LRIG3: variants seen among roughly 807,000 people sequenced by gnomAD.
The protein encoded by LRIG3 is leucine rich repeats and immunoglobulin like domains 3.
Under a neutral mutation model 114.5 loss-of-function variants are expected in LRIG3, and 76 were observed. The observed-to-expected ratio is 0.66, with a 90% CI of 0.55 to 0.80. LRIG3 has a LOEUF of 0.80. Ranked by LOEUF, LRIG3 falls within the 30% of genes least tolerant of loss-of-function variation. The pLI, the probability that LRIG3 is intolerant of heterozygous loss-of-function variation, is 0.00. For synonymous variants in LRIG3, 512 were observed against 519.8 expected, an observed-to-expected ratio of 0.98 and a Z score of 0.20; for missense variants, 1,239 against 1,382.8, an observed-to-expected ratio of 0.90 and a Z score of 1.65.
rs142306271 is a variant in LRIG3 at position 58,880,724 on chromosome 12, C to T, written c.1658G>A (p.Arg553Gln). 7.4e-6 allele frequency: 12 copies of T among 1,614,132 alleles called. No individual in the cohort carries two copies. The highest frequency in any genetic ancestry group is 6.7e-5 in the Admixed American group (4 of 60,034). ...CTCCATCACCTCGCCACCTTGGGCC[C>T]GGAGGTGTGCATAATTTTCCATTTC... ...DAEMENYAHL[R>Q]AQGGEVMEYT... The change falls in exon 13 of 19, where the codon CGG (arginine) becomes CAG (glutamine). Residue 553 changes from arginine (R) to glutamine (Q), a missense_variant. By Grantham distance (43) the Arg-to-Gln change is conservative (BLOSUM62 1). Transcript: ENST00000320743.
intron 3 of LRIG3, among the ~76,000 whole-genome samples, chr12:58,893,356 T>C (rs1224816515): frequency 6.6e-6 from 1 of 152,222 alleles, no homozygotes; most frequent in Non-Finnish European, 1.5e-5. Flanking sequence ...CTAGCATAGA[T>C]AATGTATATC....
At chr12:58,900,782 C>T (rs1332921367) in intron 3 of LRIG3, among the ~76,000 whole-genome samples, 3 of 152,156 alleles carry the variant, frequency 2.0e-5, no homozygotes, top group African/African-American at 7.2e-5. Context: ...GGTACACAGA[C>T]CAACGGACCA....
intron 3 of LRIG3, among the ~76,000 whole-genome samples, chr12:58,905,580 T>G (rs565623279): frequency 6.6e-6 from 1 of 152,224 alleles, no homozygotes; most frequent in Non-Finnish European, 1.5e-5. Context: ...TGAAATGTAA[T>G]GTTCAATGTG....
chr12:58,879,724 G>A (rs1871053909), intron 13 of LRIG3, among the ~76,000 whole-genome samples: 1 of 152,170 alleles, frequency 6.6e-6, no homozygotes, highest in Non-Finnish European at 1.5e-5. Flanking sequence ...TGTTAACAGT[G>A]GCTAACAGTG....
intron 13 of LRIG3, 88 bp downstream of exon 13, chr12:58,880,493 G>C: frequency 1.5e-6 from 2 of 1,302,202 alleles, no homozygotes; most frequent in Non-Finnish European, 2.2e-6. Context: ...GAGAAGAAAA[G>C]ACAGGGTTAA....
Position 58,882,793 on chromosome 12 carries a change from C to A in LRIG3, c.1480+76G>T, listed in dbSNP as rs189174444. On this transcript the variant is annotated intron_variant, in intron 12 of 18. Coordinates refer to ENST00000320743, the MANE Select transcript of LRIG3 (RefSeq NM_153377.5). Reference sequence around the variant, plus strand: ...TTTATAAAGAGATCATAAATCTATTCAAAACCATTATTTGGATAAATGGGA... The same window carrying A: ...TTTATAAAGAGATCATAAATCTATTAAAAACCATTATTTGGATAAATGGGA... The A allele has an allele frequency of 2.3e-5, 33 of 1,456,590 alleles. 1 individual carries two copies. The African/African-American group carries it at 4.0e-4, about 18-fold the overall frequency. The allele number at this position is 1,456,590 out of a possible 1,614,324, so 90.2% of individuals were successfully genotyped here.
intron 3 of LRIG3, among the ~76,000 whole-genome samples, chr12:58,906,254 C>A (rs994316043): frequency 1.3e-5 from 2 of 152,180 alleles, no homozygotes; most frequent in African/African-American, 4.8e-5. Context: ...TTTTCAAATA[C>A]TGAGTTATAA....
Position 58,890,791 on chromosome 12 carries a change from C to T in LRIG3, c.389G>A (p.Gly130Glu), listed in dbSNP as rs1486200253. 30 of 1,601,768 alleles carry T rather than the reference C, an allele frequency of 1.9e-5. No homozygotes were observed. The highest frequency in any genetic ancestry group is 2.4e-5 in the Non-Finnish European group (28 of 1,175,872). The change falls in exon 4 of 19, where the codon GGA becomes GAA. Residue 130 changes from glycine to glutamate, a missense_variant. Physicochemically the swap from Gly to Glu is moderately conservative, Grantham distance 98 (BLOSUM62 -2). Transcript: ENST00000320743. ...AGGGAGTATTTCAACAATCCTGTTT[C>T]CAGCCCTAGAATTAAAAGAAACCAC... ...SANITLLSLAGNRIVEILPEH... is the reference protein window; with the variant it reads ...SANITLLSLAENRIVEILPEH...
Position 58,920,247 on chromosome 12 carries a change from G to T in LRIG3, c.-12C>A. 3 of 1,351,954 alleles carry T rather than the reference G, an allele frequency of 2.2e-6. No homozygotes were observed. The highest frequency in any genetic ancestry group is 3.7e-5 in the South Asian group (2 of 54,132). 83.7% of individuals were successfully genotyped at this position (1,351,954 alleles called of 1,614,324 possible). On this transcript the variant is annotated 5_prime_UTR_variant, in exon 1 of 19. Transcript: ENST00000320743. ...CTCGGCGCGCTCATCGCGGTCCAGC[G>T]GCCTAGGTCTCTACCCGAAGCTCCC...
chr12:58,919,898 G>T, intron 1 of LRIG3, 102 bp downstream of exon 1: 1 of 1,189,918 alleles, frequency 8.4e-7, no homozygotes, highest in South Asian at 1.4e-5. Context: ...GGAGCTATAC[G>T]GCAAAAAGGG....
rs1261521959 is a variant in LRIG3, at chr12:58,880,834, C to G, written c.1548G>C (p.Leu516Phe). The G allele has an allele frequency of 8.1e-6, 13 of 1,614,000 alleles. No homozygotes were observed. Among genetic ancestry groups the G allele is most frequent in the Non-Finnish European group, 1.1e-5 (13 of 1,180,022 alleles). The change falls in exon 13 of 19, where the codon TTG becomes TTC. Residue 516 changes from leucine (L) to phenylalanine (F), a missense_variant. Transcript: ENST00000320743. ...ETQSAIKGSN[L>F]SFICSAASSS... ...TGCTGGCAGCTGAGCAGATGAAACTCAAATTGGAACCTTTTATTGCCGACT... is the reference window on the plus strand; with the variant it reads ...TGCTGGCAGCTGAGCAGATGAAACTGAAATTGGAACCTTTTATTGCCGACT...
chr12:58,919,889 G>T (rs1300730765), intron 1 of LRIG3, 111 bp downstream of exon 1: 28 of 1,105,890 alleles, frequency 2.5e-5, no homozygotes, highest in Non-Finnish European at 3.6e-5. Flanking sequence ...GGGCCAGAAG[G>T]AGCTATACGG....
intron 16 of LRIG3, 123 bp from the exon 17 acceptor site, chr12:58,874,696 A>T: frequency 7.7e-7 from 1 of 1,296,148 alleles, no homozygotes; most frequent in Non-Finnish European, 1.0e-6. Flanking sequence ...TAGACAAAAA[A>T]ATTGCAAAAA....
At chr12:58,877,289 A>C in intron 15 of LRIG3, 111 bp downstream of exon 15, 1 of 1,053,464 alleles carries the variant, frequency 9.5e-7, no homozygotes, top group South Asian at 1.6e-5. Context: ...GAAACAAATG[A>C]GTCACCCTTC....
At position 58,878,825 on chromosome 12, in the gene LRIG3, T is replaced by C. The variant is rs1318833465; in HGVS notation, c.2082A>G (p.Leu694=). ...CAGAATCTTAACAAATTCACCCACC[T>C]AGGACAGTCAGAGTTGCATTTGCTG... ...SISANATLTV[L]ETPSFLRPLL... The change falls in exon 14 of 19, where the codon CTA becomes CTG. Residue 694 remains leucine (L), a splice_region_variant and synonymous_variant. Coordinates refer to ENST00000320743, the MANE Select transcript of LRIG3 (RefSeq NM_153377.5). The C allele has an allele frequency of 6.2e-7, 1 of 1,612,938 alleles. No homozygotes were observed. Among genetic ancestry groups the C allele is most frequent in the East Asian group, 2.2e-5 (1 of 44,868 alleles).
intron 3 of LRIG3, among the ~76,000 whole-genome samples, chr12:58,911,190 T>A (rs549392695): frequency 2.6e-5 from 4 of 152,116 alleles, no homozygotes; most frequent in Non-Finnish European, 5.9e-5. Flanking sequence ...GTGGGAAGAT[T>A]ATCGCAGATT....
Position 58,872,329 on chromosome 12 carries a change from C to G in LRIG3, c.*243G>C, listed in dbSNP as rs1010657804. The G allele has an allele frequency of 7.4e-6, 2 of 271,692 alleles. No individual in the cohort carries two copies. The highest frequency in any genetic ancestry group is 1.4e-4 in the East Asian group (2 of 14,506). 16.8% of individuals were successfully genotyped at this position (271,692 alleles called of 1,614,324 possible). ...AATCATGATTTATATCATTAATTTA[C>G]GTAAGATACTTTTTTGCATAAAACA... On this transcript the variant is annotated 3_prime_UTR_variant, in exon 19 of 19. Transcript: ENST00000320743.
intron 4 of LRIG3, among the ~76,000 whole-genome samples, chr12:58,890,406 G>A (rs527989897): frequency 6.6e-6 from 1 of 152,160 alleles, no homozygotes; most frequent in East Asian, 1.9e-4. Flanking sequence ...GCAATGGTCT[G>A]ATTTTGATTG....
intron 3 of LRIG3, among the ~76,000 whole-genome samples, chr12:58,892,137 T>A (rs946949198): frequency 2.0e-5 from 3 of 152,190 alleles, no homozygotes; most frequent in Non-Finnish European, 4.4e-5. Flanking sequence ...GACAATTTTG[T>A]TAGAAAATGG....
Sources: allele counts gnomAD v4.1 joint callset (sites outside exome capture counted in the v4.1 genomes callset), GRCh38; gene constraint gnomAD v4.1.1; transcripts MANE v1.5; gene names NCBI Gene and HGNC (gene_info 2026-07-23, HGNC 2026-07-21).